The following NBEAL1 variants were observed in gnomAD, a reference collection of about 807,000 sequenced individuals.
The protein encoded by NBEAL1 is neurobeachin-like protein 1.
A neutral mutation model predicts 351.3 loss-of-function variants in NBEAL1; 273 were observed. The observed-to-expected ratio is 0.78, with a 90% confidence interval of 0.70 to 0.86. NBEAL1 has a LOEUF of 0.86. Among genes scored for constraint, NBEAL1 ranks in the 40% least tolerant of loss-of-function variants. The pLI is 0.00. For synonymous variants in NBEAL1, 1,050 were observed against 1,086.4 expected (o/e 0.97, Z 0.66); for missense variants, 2,961 against 3,201.3 (o/e 0.92, Z 1.81).
intron 13 of NBEAL1, 44 bp downstream of exon 13, chr2:203,107,562 T>G: frequency 6.5e-7 from 1 of 1,543,454 alleles, no homozygotes; most frequent in Non-Finnish European, 8.8e-7. Flanking sequence ...TTAATATCCA[T>G]TTTGAAAATG....
chr2:203,127,924 A>G lies in NBEAL1; in HGVS notation c.3392A>G (p.Asn1131Ser), dbSNP rs1371072053. 1 of 1,549,570 alleles carries G rather than the reference A, an allele frequency of 6.5e-7. No homozygotes were observed. The highest frequency in any genetic ancestry group is 2.0e-5 in the Admixed American group (1 of 50,762). Residue 1131 changes from asparagine (N) to serine (S), a missense_variant, in exon 24 of 56, where the codon AAT becomes AGT. Asn to Ser is a conservative substitution (Grantham distance 46). Coordinates refer to ENST00000683969, the MANE Select transcript of NBEAL1 (RefSeq NM_001378026.1). ...QSIMGYIAAT[N>S]EEEQLFGILD... ...ATTATGGGGTACATAGCTGCTACTA[A>G]TGAAGAAGAACAGGTATTATGCCTA... is the stretch of plus-strand genomic sequence containing the variant.
chr2:203,215,344 C>T (rs1356589205), intron 55 of NBEAL1, among the ~76,000 whole-genome samples: 2 of 151,264 alleles, frequency 1.3e-5, no homozygotes, highest in Admixed American at 1.3e-4. Flanking sequence ...ACTAAAAATA[C>T]AAAAAAAAAT....
chr2:203,022,060 A>G (rs181557410), intron 2 of NBEAL1, among the ~76,000 whole-genome samples: 196 of 152,076 alleles, frequency 1.3e-3, no homozygotes, highest in African/African-American at 4.6e-3. Flanking sequence ...CAAAAAAAAA[A>G]AAAAGAAAGA....
At chr2:203,057,497 A>G (rs1352439404) in intron 6 of NBEAL1, 44 bp downstream of exon 6, 3 of 1,487,176 alleles carry the variant, frequency 2.0e-6, no homozygotes, top group Non-Finnish European at 1.8e-6. Flanking sequence ...CCTGAATGTC[A>G]TAATATATTT....
At chr2:203,194,059 A>T in intron 47 of NBEAL1, 148 bp downstream of exon 47, 1 of 438,102 alleles carries the variant, frequency 2.3e-6, no homozygotes, top group Non-Finnish European at 3.9e-6. Context: ...TGGATTTTTA[A>T]AACATTTTTA....
intron 55 of NBEAL1, among the ~76,000 whole-genome samples, chr2:203,215,913 C>T (rs1047518967): frequency 1.4e-5 from 2 of 147,790 alleles, no homozygotes; most frequent in East Asian, 2.1e-4. Context: ...TAGGAGGCTA[C>T]GGTGGGAGGA....
chr2:203,044,221 C>T (rs1337783429), intron 3 of NBEAL1, among the ~76,000 whole-genome samples: 2 of 152,198 alleles, frequency 1.3e-5, no homozygotes, highest in African/African-American at 4.8e-5. Flanking sequence ...ATGTCTTCCT[C>T]ATTAGACTAT....
Position 203,208,659 on chromosome 2 carries a change from C to T in NBEAL1, c.7529C>T (p.Ala2510Val). The T allele has an allele frequency of 6.2e-6, 10 of 1,611,700 alleles. No homozygotes were observed. The highest frequency in any genetic ancestry group is 8.5e-6 in the Non-Finnish European group (10 of 1,179,274). The change falls in exon 52 of 56, where the codon GCA becomes GTA. Residue 2510 changes from alanine (A) to valine (V), a missense_variant. By Grantham distance (64) the Ala-to-Val change is moderately conservative (BLOSUM62 0). Transcript: ENST00000683969. ...TAGGGAGGTGTTCCTGTGGGCTTAG[C>T]ATCTAAACCTTTTCAGATTCTTTAT... is the stretch of plus-strand genomic sequence containing the variant. Reference protein sequence around the residue: ...TQQGGVPVGLASKPFQILYGH... With the variant: ...TQQGGVPVGLVSKPFQILYGH...
At chr2:203,073,618 T>G (rs962729723) in intron 7 of NBEAL1, among the ~76,000 whole-genome samples, 3 of 152,154 alleles carry the variant, frequency 2.0e-5, no homozygotes, top group African/African-American at 7.2e-5. Flanking sequence ...AGCCACTGCA[T>G]TCCAGCCTGG....
chr2:203,027,011 T>C (rs1009789849), intron 2 of NBEAL1, among the ~76,000 whole-genome samples: 1 of 152,230 alleles, frequency 6.6e-6, no homozygotes, highest in African/African-American at 2.4e-5. Context: ...TTTCTTCTTA[T>C]TATTTTTAAC....
intron 55 of NBEAL1, among the ~76,000 whole-genome samples, chr2:203,215,821 G>A (rs1025065803): frequency 3.3e-5 from 5 of 151,946 alleles, no homozygotes; most frequent in African/African-American, 4.8e-5. Flanking sequence ...GACCAGCCTG[G>A]GCAACATGTC....
intron 42 of NBEAL1, among the ~76,000 whole-genome samples, chr2:203,178,278 C>T (rs748513803): frequency 1.5e-4 from 23 of 151,728 alleles, no homozygotes; most frequent in Non-Finnish European, 2.9e-4. Flanking sequence ...GATTCTCCTG[C>T]CTCAGCCTCC....
At chr2:203,054,539 G>T (rs2061375936) in intron 4 of NBEAL1, among the ~76,000 whole-genome samples, 1 of 152,026 alleles carries the variant, frequency 6.6e-6, no homozygotes, top group African/African-American at 2.4e-5. Flanking sequence ...CAAAGTGTTG[G>T]GATTACAGAC....
chr2:203,066,963 C>A (rs1282757484), intron 6 of NBEAL1, among the ~76,000 whole-genome samples: 1 of 147,808 alleles, frequency 6.8e-6, no homozygotes, highest in East Asian at 2.0e-4. Flanking sequence ...TCCTCACTTA[C>A]CAGGCGGGGC....
rs1354846203 is a variant in NBEAL1, at chr2:203,064,715, A to G, written c.516-3678A>G. Among the ~76,000 whole-genome samples the G allele has an allele frequency of 5.3e-5, 8 of 152,336 alleles. No homozygotes were observed. In the East Asian group the frequency reaches 1.5e-3, roughly 29 times the overall value. On this transcript the variant is annotated intron_variant, in intron 6 of 55. Coordinates refer to ENST00000683969, the MANE Select transcript of NBEAL1 (RefSeq NM_001378026.1). ...AAATGTTTCAGATTAAAAGAGGCGAAAGAGACACTGAATGCAATACCTGAC... is the reference window on the plus strand; with the variant it reads ...AAATGTTTCAGATTAAAAGAGGCGAGAGAGACACTGAATGCAATACCTGAC...
intron 44 of NBEAL1, among the ~76,000 whole-genome samples, chr2:203,187,367 G>GGT (rs2064930524): frequency 1.1e-5 from 1 of 87,790 alleles, no homozygotes; most frequent in African/African-American, 4.4e-5. Context: ...TCTTGCAATG[G>GGT]TTTTTTTTTT....
intron 6 of NBEAL1, among the ~76,000 whole-genome samples, chr2:203,059,961 G>T (rs1006106637): frequency 1.3e-5 from 2 of 152,190 alleles, no homozygotes; most frequent in Non-Finnish European, 2.9e-5. Flanking sequence ...ATGTATGCCA[G>T]AGATTTCTCT....
At chr2:203,159,584 C>A (rs1034578130) in intron 36 of NBEAL1, among the ~76,000 whole-genome samples, 2 of 151,964 alleles carry the variant, frequency 1.3e-5, no homozygotes, top group Non-Finnish European at 2.9e-5. Flanking sequence ...CATTTATAAC[C>A]ATTTATGGTT....
intron 31 of NBEAL1, among the ~76,000 whole-genome samples, chr2:203,141,829 T>C (rs2063390149): frequency 1.3e-5 from 2 of 152,166 alleles, no homozygotes; most frequent in Admixed American, 1.3e-4. Flanking sequence ...TCTTTCTGTA[T>C]AGGGGTTATA....
Sources: allele counts gnomAD v4.1 joint callset (sites outside exome capture counted in the v4.1 genomes callset), GRCh38; gene constraint gnomAD v4.1.1; transcripts MANE v1.5; gene names NCBI Gene and HGNC (gene_info 2026-07-23, HGNC 2026-07-21).